The following PARVB variants were observed in gnomAD, a reference collection of about 807,000 sequenced individuals.
PARVB encodes the protein beta-parvin.
In PARVB, 46 loss-of-function variants were observed where a neutral mutation model predicts 47.0. That is an observed-to-expected ratio of 0.98 (90% CI 0.77 to 1.25). PARVB has a LOEUF of 1.25. Ranked by LOEUF, PARVB falls within the 50% of genes most tolerant of loss-of-function variation. The pLI is 0.00. For missense variants in PARVB, 473 were observed against 471.6 expected, an observed-to-expected ratio of 1.00 and a Z score of -0.03; for synonymous variants, 196 against 196.3, an observed-to-expected ratio of 1.00 and a Z score of 0.01.
At chr22:44,008,895 A>G in intron 2 of PARVB, among the ~76,000 whole-genome samples, 1 of 152,140 alleles carries the variant, frequency 6.6e-6, no homozygotes, top group African/African-American at 2.4e-5. Context: ...AGGCTGAGGC[A>G]GGAGAATGGC....
intron 1 of PARVB, among the ~76,000 whole-genome samples, chr22:44,028,609 A>C (rs554117644): frequency 6.6e-6 from 1 of 152,334 alleles, no homozygotes; most frequent in Admixed American, 6.5e-5. Flanking sequence ...GCTGCTGTGT[A>C]CATCTACGTG....
At chr22:44,075,602 C>G (rs1036371656) in intron 1 of PARVB, among the ~76,000 whole-genome samples, 2 of 152,208 alleles carry the variant, frequency 1.3e-5, no homozygotes, top group African/African-American at 4.8e-5. Flanking sequence ...CTGCTCATCC[C>G]TGTCTCCCTC....
At position 44,069,529 on chromosome 22, in the gene PARVB, CT is replaced by C. The variant is rs1372250336; in HGVS notation, c.113-24389del. On this transcript the variant is annotated intron_variant, in intron 1 of 12. Coordinates refer to ENST00000338758, the MANE Select transcript of PARVB (RefSeq NM_013327.5). ...ATACTGTGGGTTTCTCTCTCTCTGT[CT>C]TTTTTTTTTCTCTCTGAGATGGAGT... is the stretch of plus-strand genomic sequence containing the variant. Among the ~76,000 whole-genome samples, 43 of 149,622 alleles carry C rather than the reference CT, an allele frequency of 2.9e-4. 1 individual carries two copies. The highest frequency in any genetic ancestry group is 7.1e-4 in the African/African-American group (29 of 40,742).
chr22:44,058,184 G>A (rs1435009174), intron 1 of PARVB, among the ~76,000 whole-genome samples: 1 of 152,212 alleles, frequency 6.6e-6, no homozygotes, highest in African/African-American at 2.4e-5. Flanking sequence ...TTCTCTCCCA[G>A]CTCTGAAGAC....
At chr22:44,161,515 T>C (rs2054052846) in intron 11 of PARVB, among the ~76,000 whole-genome samples, 1 of 152,054 alleles carries the variant, frequency 6.6e-6, no homozygotes, top group Non-Finnish European at 1.5e-5. Context: ...GGTTTTACCA[T>C]GTTGGCCAGG....
chr22:44,123,179 C>A (rs1200749708), intron 4 of PARVB, among the ~76,000 whole-genome samples: 1 of 152,192 alleles, frequency 6.6e-6, no homozygotes, highest in Non-Finnish European at 1.5e-5. Context: ...TGTAATATTT[C>A]CATTAAAAAA....
At chr22:44,165,381 T>A (rs540791058) in intron 12 of PARVB, among the ~76,000 whole-genome samples, 2 of 152,196 alleles carry the variant, frequency 1.3e-5, no homozygotes, top group Non-Finnish European at 2.9e-5. Context: ...GCCTGGAAAC[T>A]GCTCGACAGC....
chr22:44,169,525 G>C lies in PARVB; in HGVS notation c.*847G>C, dbSNP rs2054244351. 1 of 150,002 alleles carries C rather than the reference G, an allele frequency of 6.7e-6. No homozygotes were observed. 9.3% of individuals were successfully genotyped at this position (150,002 alleles called of 1,614,324 possible). On this transcript the variant is annotated 3_prime_UTR_variant, in exon 13 of 13. Coordinates refer to ENST00000338758, the MANE Select transcript of PARVB (RefSeq NM_013327.5). ...GCATCTTTGGAAACTTTAAAATGAG[G>C]GGGGTGCATTGGTTCACTGGCACTG...
intron 2 of PARVB, among the ~76,000 whole-genome samples, chr22:44,008,537 A>G (rs1431613023): frequency 6.6e-6 from 1 of 152,198 alleles, no homozygotes. Context: ...CATACCATTT[A>G]GTTATAGAAA....
chr22:44,049,003 T>G lies in PARVB; in HGVS notation c.112+24552T>G, dbSNP rs1028902554. On this transcript the variant is annotated intron_variant, in intron 1 of 12. Transcript: ENST00000338758. This position sits in a 1 kb window ranked among gnomAD's most constrained non-coding sequence, Gnocchi z 4.0. ...CTGCGCCTGGCCTATTTCACTCCAT[T>G]TTGCCGAGGAGGGAACAGAAGTGTG... Among the ~76,000 whole-genome samples, 2 of 152,170 alleles carry G rather than the reference T, an allele frequency of 1.3e-5. No homozygotes were observed. Among genetic ancestry groups the G allele is most frequent in the Non-Finnish European group, 2.9e-5 (2 of 68,028 alleles).
At chr22:44,073,959 C>T (rs925885386) in intron 1 of PARVB, among the ~76,000 whole-genome samples, 5 of 152,248 alleles carry the variant, frequency 3.3e-5, no homozygotes, top group African/African-American at 1.2e-4. Context: ...TTTGTGCAGC[C>T]ATTTGGTGGA....
chr22:44,008,648 G>T (rs1464911327), intron 2 of PARVB, among the ~76,000 whole-genome samples: 2 of 152,118 alleles, frequency 1.3e-5, no homozygotes, highest in African/African-American at 4.8e-5. Flanking sequence ...ACGGATCCAA[G>T]AGTGCTGCCA....
At chr22:44,070,531 G>A (rs925306352) in intron 1 of PARVB, among the ~76,000 whole-genome samples, 1 of 152,186 alleles carries the variant, frequency 6.6e-6, no homozygotes. Flanking sequence ...GAGCTCCCAG[G>A]CTGATTTTTG....
intron 2 of PARVB, among the ~76,000 whole-genome samples, chr22:44,008,640 G>C (rs1569046488): frequency 6.6e-6 from 1 of 152,188 alleles, no homozygotes; most frequent in Non-Finnish European, 1.5e-5. Context: ...CTGAGGACAC[G>C]GATCCAAGAG....
intron 1 of PARVB, among the ~76,000 whole-genome samples, chr22:44,042,420 T>G (rs2051036389): frequency 1.3e-5 from 2 of 151,922 alleles, no homozygotes; most frequent in South Asian, 4.2e-4. Context: ...GACTCCGAAG[T>G]GAAGGGGCTG....
intron 1 of PARVB, among the ~76,000 whole-genome samples, chr22:44,072,895 C>A (rs2051686037): frequency 1.3e-5 from 2 of 152,234 alleles, no homozygotes; most frequent in Middle Eastern, 6.8e-3. Context: ...CCCTGCAGGG[C>A]AAACTCCTTC....
At chr22:44,014,465 C>T (rs896631438) in intron 2 of PARVB, among the ~76,000 whole-genome samples, 3 of 152,144 alleles carry the variant, frequency 2.0e-5, no homozygotes, top group Admixed American at 2.0e-4. Context: ...GTATGCATAG[C>T]CCTGGCACGA....
At chr22:44,121,550 T>TC (rs1483643193) in intron 4 of PARVB, among the ~76,000 whole-genome samples, 1 of 97,404 alleles carries the variant, frequency 1.0e-5, no homozygotes, top group Non-Finnish European at 2.1e-5. Flanking sequence ...TTCTCCTGTG[T>TC]CCTTTTTTAA....
At chr22:44,129,964 G>A (rs2053274144) in intron 4 of PARVB, among the ~76,000 whole-genome samples, 1 of 152,200 alleles carries the variant, frequency 6.6e-6, no homozygotes, top group Non-Finnish European at 1.5e-5. Flanking sequence ...AGCAGGCCTT[G>A]CTCTAGAATT....
Sources: allele counts gnomAD v4.1 joint callset (sites outside exome capture counted in the v4.1 genomes callset), GRCh38; gene constraint gnomAD v4.1.1; non-coding constraint Gnocchi (gnomAD v3.1); transcripts MANE v1.5; gene names NCBI Gene and HGNC (gene_info 2026-07-23, HGNC 2026-07-21).